Variants in STIM2 observed in about 807,000 individuals in gnomAD.
STIM2 encodes the protein stromal interaction molecule 2.
Under a neutral mutation model 85.8 loss-of-function variants are expected in STIM2, and 31 were observed. The observed-to-expected ratio is 0.36, with a 90% CI of 0.27 to 0.49. The LOEUF is 0.49. Among genes scored for constraint, STIM2 ranks in the 20% least tolerant of loss-of-function variants. The pLI, the probability that STIM2 is intolerant of heterozygous loss-of-function variation, is 0.98. For synonymous variants in STIM2, 356 were observed against 331.1 expected (o/e 1.08, Z -0.82); for missense variants, 841 against 927.6 (o/e 0.91, Z 1.21).
At chr4:26,937,580 A>G (rs918689771) in intron 2 of STIM2, among the ~76,000 whole-genome samples, 4 of 152,152 alleles carry the variant, frequency 2.6e-5, no homozygotes, top group African/African-American at 9.7e-5. Flanking sequence ...CATTAACATT[A>G]TTAGCCTTGT....
intron 1 of STIM2, among the ~76,000 whole-genome samples, chr4:26,880,712 T>A (rs1722986263): frequency 6.8e-6 from 1 of 147,998 alleles, no homozygotes; most frequent in Non-Finnish European, 1.5e-5. Flanking sequence ...TATATCTAAT[T>A]TTCTTTTTCC....
At chr4:26,975,167 C>T (rs1264082810) in intron 3 of STIM2, among the ~76,000 whole-genome samples, 1 of 152,026 alleles carries the variant, frequency 6.6e-6, no homozygotes, top group Admixed American at 6.6e-5. Flanking sequence ...TTTTAGCTTC[C>T]TTGCGATGGG....
At chr4:26,898,740 A>T (rs1723799360) in intron 1 of STIM2, among the ~76,000 whole-genome samples, 1 of 152,074 alleles carries the variant, frequency 6.6e-6, no homozygotes, top group South Asian at 2.1e-4. Flanking sequence ...CACCAATGGG[A>T]TATTTTTCCT....
Position 27,022,678 on chromosome 4 carries a change from T to C in STIM2, c.1923T>C (p.Pro641=), listed in dbSNP as rs144032737. Reference sequence around the variant, plus strand: ...AGGATTCCTCCCGAGGGGATTCGCCTGTAACTGTGGATGTGTCTTGGGGTT... The same window carrying C: ...AGGATTCCTCCCGAGGGGATTCGCCCGTAACTGTGGATGTGTCTTGGGGTT... Residue 641 remains proline, a synonymous_variant, in exon 12 of 12, where the codon CCT becomes CCC. Transcript: ENST00000467087. 5.0e-6 allele frequency: 8 copies of C among 1,614,128 alleles called. No homozygotes were observed. Among genetic ancestry groups the C allele is most frequent in the Non-Finnish European group, 6.8e-6 (8 of 1,180,054 alleles).
chr4:27,006,498 C>T (rs766537416), intron 7 of STIM2, among the ~76,000 whole-genome samples: 1 of 152,198 alleles, frequency 6.6e-6, no homozygotes, highest in South Asian at 2.1e-4. Flanking sequence ...AGCTTTGCCT[C>T]AAGGTCTTGA....
At chr4:26,873,036 G>C (rs1190983035) in intron 1 of STIM2, among the ~76,000 whole-genome samples, 4 of 152,190 alleles carry the variant, frequency 2.6e-5, no homozygotes, top group Non-Finnish European at 5.9e-5. Context: ...GATGAGATCT[G>C]GCTATAGAAA....
At chr4:26,922,520 A>G (rs910608270) in intron 2 of STIM2, among the ~76,000 whole-genome samples, 1 of 152,152 alleles carries the variant, frequency 6.6e-6, no homozygotes, top group African/African-American at 2.4e-5. Flanking sequence ...TAAAGTATAC[A>G]ACTCAGGAAC....
At chr4:26,861,446 C>T in intron 1 of STIM2, 77 bp downstream of exon 1, 1 of 1,238,460 alleles carries the variant, frequency 8.1e-7, no homozygotes, top group Non-Finnish European at 1.0e-6. Context: ...GTCAGCATCT[C>T]CGCCGGACGT....
chr4:26,958,144 A>G (rs1452408864), intron 3 of STIM2, among the ~76,000 whole-genome samples: 1 of 152,082 alleles, frequency 6.6e-6, no homozygotes, highest in Non-Finnish European at 1.5e-5. Context: ...ATCCTTTATG[A>G]TGTCTCGTAA....
chr4:26,995,483 C>T lies in STIM2; in HGVS notation c.502C>T (p.Leu168Phe). 2 of 1,591,466 alleles carry T rather than the reference C, an allele frequency of 1.3e-6. No individual in the cohort carries two copies. Among genetic ancestry groups the T allele is most frequent in the South Asian group, 2.3e-5 (2 of 87,944 alleles). The change falls in exon 4 of 12, where the codon CTT becomes TTT. Residue 168 changes from leucine to phenylalanine, a missense_variant. By Grantham distance (22) the Leu-to-Phe change is conservative. Transcript: ENST00000467087. ...AGACAACAATGTCAAAGGAACGACA[C>T]TTCCCAGGTGAGTCTTTGTTATGCA...
chr4:26,922,034 A>T (rs1486266354), intron 2 of STIM2, among the ~76,000 whole-genome samples: 1 of 152,176 alleles, frequency 6.6e-6, no homozygotes, highest in Non-Finnish European at 1.5e-5. Flanking sequence ...CTTAAAAAGT[A>T]TTTGAACTGT....
intron 11 of STIM2, 56 bp downstream of exon 11, chr4:27,018,040 TGA>T: frequency 6.3e-7 from 1 of 1,580,680 alleles, no homozygotes; most frequent in Non-Finnish European, 8.6e-7. Flanking sequence ...GGGTAAGGTG[TGA>T]GGAGGGGGCG....
chr4:27,008,314 G>A (rs1728439567), intron 8 of STIM2, 114 bp from the exon 9 acceptor site: 1 of 574,798 alleles, frequency 1.7e-6, no homozygotes, highest in South Asian at 3.4e-5. Flanking sequence ...ATTCTCTACT[G>A]GTTTTATGAT....
intron 1 of STIM2, among the ~76,000 whole-genome samples, chr4:26,888,152 A>C (rs2109042500): frequency 6.6e-6 from 1 of 152,366 alleles, no homozygotes; most frequent in East Asian, 1.9e-4. Flanking sequence ...GAATAACTGG[A>C]TACTATAGTT....
intron 1 of STIM2, among the ~76,000 whole-genome samples, chr4:26,896,023 A>G (rs754677849): frequency 2.0e-5 from 3 of 152,176 alleles, no homozygotes; most frequent in Non-Finnish European, 2.9e-5. Context: ...TGGTTGGGCC[A>G]TGTCCTCATC....
intron 3 of STIM2, among the ~76,000 whole-genome samples, chr4:26,963,847 TA>T (rs1421112375): frequency 1.3e-5 from 2 of 152,204 alleles, no homozygotes; most frequent in African/African-American, 2.4e-5. Flanking sequence ...CAAATAAGCA[TA>T]ATTTACACAA....
Position 26,957,639 on chromosome 4 carries a change from G to A in STIM2, c.310G>A (p.Asp104Asn), listed in dbSNP as rs1175646259. Residue 104 changes from aspartate (D) to asparagine (N), a missense_variant, in exon 3 of 12, where the codon GAT (aspartate) becomes AAT (asparagine). Physicochemically the swap from Asp to Asn is conservative, Grantham distance 23. Coordinates refer to ENST00000467087, the MANE Select transcript of STIM2 (RefSeq NM_020860.4). ...CATCAGAGAAGATATGAAATATAAA[G>A]ATGCTACTAATAAACACAGCCATCT... 1 of 1,570,196 alleles carries A rather than the reference G, an allele frequency of 6.4e-7. No homozygotes were observed. Among genetic ancestry groups the A allele is most frequent in the Non-Finnish European group, 8.6e-7 (1 of 1,161,872 alleles).
At chr4:27,006,777 A>G (rs1255577005) in intron 7 of STIM2, among the ~76,000 whole-genome samples, 2 of 152,204 alleles carry the variant, frequency 1.3e-5, no homozygotes, top group Non-Finnish European at 2.9e-5. Flanking sequence ...ACTGAAGACT[A>G]TGCATAGTTT....
chr4:26,948,496 C>T (rs988707308), intron 2 of STIM2, among the ~76,000 whole-genome samples: 4 of 152,148 alleles, frequency 2.6e-5, no homozygotes, highest in African/African-American at 4.8e-5. Context: ...GGCACAGTGG[C>T]GTACGCCTGA....
Sources: gnomAD v4.1 joint callset for allele counts (sites outside exome capture counted in the v4.1 genomes callset) on GRCh38, gnomAD v4.1.1 for gene constraint, MANE v1.5 for transcripts, NCBI Gene and HGNC (gene_info 2026-07-23, HGNC 2026-07-21) for gene names.